Variants in THSD7B observed in about 807,000 individuals in gnomAD.
The protein encoded by THSD7B is thrombospondin type 1 domain containing 7B.
A neutral mutation model predicts 213.6 loss-of-function variants in THSD7B; 138 were observed. The ratio of observed to expected loss-of-function variants is 0.65; its 90% CI spans 0.56 to 0.74. The LOEUF (loss-of-function observed/expected upper bound fraction) is 0.74, where lower values mean the gene tolerates loss of function less well. THSD7B is among the 30% of genes least tolerant of loss of function. THSD7B has a pLI of 0.00. For synonymous variants in THSD7B, 742 were observed against 687.0 expected (o/e 1.08, Z -1.25); for missense variants, 1,931 against 1,991.5 (o/e 0.97, Z 0.58).
chr2:136,790,214 G>C (rs898750927), intron 1 of THSD7B, among the ~76,000 whole-genome samples: 2 of 151,342 alleles, frequency 1.3e-5, no homozygotes, highest in Non-Finnish European at 2.9e-5. Context: ...AACTTGATTC[G>C]CCTTCACCAG....
chr2:136,876,812 T>C (rs1260354577), intron 1 of THSD7B, among the ~76,000 whole-genome samples: 1 of 152,202 alleles, frequency 6.6e-6, no homozygotes, highest in Non-Finnish European at 1.5e-5. Context: ...GGGGAGCTCC[T>C]GCCTGTATGA....
intron 2 of THSD7B, among the ~76,000 whole-genome samples, chr2:136,993,691 C>CAACAAG (rs762179223): frequency 6.6e-6 from 1 of 152,162 alleles, no homozygotes; most frequent in Non-Finnish European, 1.5e-5. Context: ...TGAAAAACAA[C>CAACAAG]AACAAGAACA....
intron 1 of THSD7B, among the ~76,000 whole-genome samples, chr2:136,783,230 G>T (rs751286198): frequency 7.2e-5 from 11 of 152,076 alleles, no homozygotes; most frequent in African/African-American, 2.7e-4. Context: ...TATACCTGCC[G>T]TATACCTTGT....
Position 136,855,448 on chromosome 2 carries a change from CAG to C in THSD7B, c.-35-26693_-35-26692del, listed in dbSNP as rs531687534. ...CTTCTTCTCTCTCTTTTTTTTGAGA[CAG>C]AGTCTCACTCTGTGGCCCAGACTAG... On this transcript the variant is annotated intron_variant, in intron 1 of 27. Transcript: ENST00000409968. 1.4e-4 allele frequency among the ~76,000 whole-genome samples: 22 copies of C among 151,950 alleles called. No homozygotes were observed. The South Asian group carries it at 4.2e-3, about 29-fold the overall frequency.
In THSD7B at chr2:137,669,676, G is replaced by T. The variant is rs538397673; in HGVS notation, c.4739+1815G>T. ...AATCAGTAGGCCAACCCAGTGTAAG[G>T]TAATTAGATAGTCTATCGGTCTATA... On this transcript the variant is annotated intron_variant, in intron 27 of 27. Coordinates refer to ENST00000409968, the MANE Select transcript of THSD7B (RefSeq NM_001316349.2). Among the ~76,000 whole-genome samples the T allele has an allele frequency of 2.0e-5, 3 of 152,154 alleles. No individual in the cohort carries two copies. In the South Asian group the frequency reaches 6.2e-4, roughly 32 times the overall value.
intron 16 of THSD7B, among the ~76,000 whole-genome samples, chr2:137,571,000 G>A (rs1291620744): frequency 1.3e-5 from 2 of 152,148 alleles, no homozygotes; most frequent in Non-Finnish European, 2.9e-5. Context: ...TAAATAGAGA[G>A]AAATGCCCCC....
intron 2 of THSD7B, chr2:136,906,623 G>T (rs920748280): frequency 6.6e-6 from 1 of 152,138 alleles, no homozygotes; most frequent in Admixed American, 6.5e-5. Flanking sequence ...TGACTGGGAA[G>T]TTCTACTGTA....
intron 12 of THSD7B, among the ~76,000 whole-genome samples, chr2:137,339,478 C>T (rs1411520543): frequency 1.3e-5 from 2 of 151,900 alleles, no homozygotes; most frequent in African/African-American, 2.4e-5. Context: ...GGATTGGGAG[C>T]TGGGGTTCGC....
intron 12 of THSD7B, among the ~76,000 whole-genome samples, chr2:137,373,303 CA>C (rs1685574396): frequency 1.3e-5 from 2 of 152,220 alleles, no homozygotes; most frequent in Admixed American, 6.5e-5. Flanking sequence ...AACTAGTTTA[CA>C]GTCCCACCAA....
At chr2:137,085,248 G>T (rs1273338656) in intron 3 of THSD7B, among the ~76,000 whole-genome samples, 1 of 152,142 alleles carries the variant, frequency 6.6e-6, no homozygotes, top group Non-Finnish European at 1.5e-5. Context: ...TTGGATAAGA[G>T]TCACCTATAA....
rs143849345 is a variant in THSD7B at position 136,776,730 on chromosome 2, A to G, written c.-36+11043A>G. Among the ~76,000 whole-genome samples, 22 of 152,286 alleles carry G rather than the reference A, an allele frequency of 1.4e-4. No homozygotes were observed. In the East Asian group the frequency reaches 2.7e-3, roughly 19 times the overall value. On this transcript the variant is annotated intron_variant, in intron 1 of 27. Transcript: ENST00000409968. ...ATCCCCAAAAACTGAAAGCCAAGAGAGGTTCAAAATAGTATGAAATAATTT... is the reference window on the plus strand; with the variant it reads ...ATCCCCAAAAACTGAAAGCCAAGAGGGGTTCAAAATAGTATGAAATAATTT...
At chr2:137,488,613 T>C (rs1688528788) in intron 15 of THSD7B, among the ~76,000 whole-genome samples, 1 of 152,224 alleles carries the variant, frequency 6.6e-6, no homozygotes, top group Non-Finnish European at 1.5e-5. Flanking sequence ...TCCCTCACTG[T>C]CTTTCTCTTC....
intron 17 of THSD7B, among the ~76,000 whole-genome samples, chr2:137,591,721 CT>C (rs1477511707): frequency 6.6e-6 from 1 of 151,760 alleles, no homozygotes; most frequent in Admixed American, 6.6e-5. Flanking sequence ...CTGTCAAATT[CT>C]TTTTGCTTTT....
chr2:137,233,410 A>C (rs1385943037), intron 9 of THSD7B, among the ~76,000 whole-genome samples: 1 of 152,220 alleles, frequency 6.6e-6, no homozygotes. Flanking sequence ...TTGAATAATC[A>C]AATTTTCTAG....
intron 12 of THSD7B, among the ~76,000 whole-genome samples, chr2:137,291,331 C>A (rs1476830574): frequency 6.6e-6 from 1 of 151,996 alleles, no homozygotes; most frequent in Non-Finnish European, 1.5e-5. Flanking sequence ...AGGAATTATA[C>A]CTTAAAGTTT....
intron 18 of THSD7B, among the ~76,000 whole-genome samples, chr2:137,616,877 A>G (rs917787027): frequency 6.6e-6 from 1 of 152,216 alleles, no homozygotes; most frequent in Non-Finnish European, 1.5e-5. Context: ...GGACTGGTAT[A>G]GTTACATTGA....
intron 2 of THSD7B, among the ~76,000 whole-genome samples, chr2:137,032,723 A>T (rs1197376467): frequency 1.3e-5 from 2 of 152,222 alleles, no homozygotes; most frequent in Admixed American, 1.3e-4. Context: ...CTTGGAAGGT[A>T]GATTTTAGAA....
chr2:137,534,172 A>C (rs554526469), intron 15 of THSD7B, among the ~76,000 whole-genome samples: 2 of 151,396 alleles, frequency 1.3e-5, no homozygotes, highest in Non-Finnish European at 3.0e-5. Context: ...TTATTCTTTT[A>C]GTTTTAGTAC....
intron 6 of THSD7B, among the ~76,000 whole-genome samples, chr2:137,166,404 A>G (rs902342063): frequency 2.0e-5 from 3 of 152,180 alleles, no homozygotes; most frequent in African/African-American, 7.2e-5. Context: ...ATATATAGAC[A>G]CACATTTATA....
Sources: allele counts gnomAD v4.1 joint callset (sites outside exome capture counted in the v4.1 genomes callset), GRCh38; gene constraint gnomAD v4.1.1; transcripts MANE v1.5; gene names NCBI Gene and HGNC (gene_info 2026-07-23, HGNC 2026-07-21).